Variants in ACYP2 observed in about 807,000 individuals in gnomAD.
ACYP2 encodes acylphosphatase 2, also known as acylphosphatase-2.
In ACYP2, 12 loss-of-function variants were observed where a neutral mutation model predicts 11.2. That is an observed-to-expected ratio of 1.08 (90% CI 0.69 to 1.74). The LOEUF (loss-of-function observed/expected upper bound fraction) is 1.74. Among genes scored for constraint, ACYP2 ranks in the 40% most tolerant of loss-of-function variants. The probability of loss-of-function intolerance (pLI) is 0.00; values close to 1 mark genes in which losing one functional copy is unlikely to be tolerated. For synonymous variants in ACYP2, 43 were observed against 32.2 expected (o/e 1.33, Z -1.13); for missense variants, 134 against 101.9 (o/e 1.31, Z -1.35).
intron 6 of ACYP2, among the ~76,000 whole-genome samples, chr2:54,202,405 CTT>C (rs61634500): frequency 6.4e-4 from 75 of 116,332 alleles, no homozygotes; most frequent in African/African-American, 1.7e-3. Context: ...CTGTGCCTGG[CTT>C]TTTTTTTTTT....
intron 4 of ACYP2, among the ~76,000 whole-genome samples, chr2:54,096,880 G>T (rs906834002): frequency 1.3e-5 from 2 of 152,144 alleles, no homozygotes; most frequent in East Asian, 3.9e-4. Flanking sequence ...GAGCTAATCT[G>T]TTTTTTAAAA....
chr2:54,004,233 C>G (rs573488683), intron 2 of ACYP2, among the ~76,000 whole-genome samples: 3 of 152,064 alleles, frequency 2.0e-5, no homozygotes, highest in African/African-American at 4.8e-5. Context: ...GTGATCCGCC[C>G]ACCTCGGCCT....
chr2:54,285,432 G>A lies in ACYP2; in HGVS notation c.405-19256G>A, dbSNP rs1171216867. Among the ~76,000 whole-genome samples the A allele has an allele frequency of 2.6e-5, 4 of 152,130 alleles. No homozygotes were observed. In the East Asian group the frequency reaches 7.7e-4, roughly 29 times the overall value. ...CCAGGTATTGCCATCTAGCCCTGTG[G>A]CATTAAATATCATCTGTAATCAGTT... On this transcript the variant is annotated intron_variant, in intron 6 of 6. Coordinates refer to ENST00000607452, the MANE Select transcript of ACYP2 (RefSeq NM_001320586.2).
rs1306232108 is a variant in ACYP2 at position 54,187,254 on chromosome 2, G to A, written c.404+48506G>A. ...ACAGAGAGCAGCAGGGGTTCAGATT[G>A]CAGTGTGTCTCTCTTGCCCTCCCAG... On this transcript the variant is annotated intron_variant, in intron 6 of 6. Coordinates refer to ENST00000607452, the MANE Select transcript of ACYP2 (RefSeq NM_001320586.2). Among the ~76,000 whole-genome samples the A allele has an allele frequency of 3.3e-5, 5 of 152,218 alleles. No individual in the cohort carries two copies. In the East Asian group the frequency reaches 9.6e-4, roughly 29 times the overall value.
At chr2:53,996,424 A>C (rs562646157) in intron 2 of ACYP2, among the ~76,000 whole-genome samples, 2 of 152,222 alleles carry the variant, frequency 1.3e-5, no homozygotes, top group East Asian at 3.9e-4. Flanking sequence ...GAAAGGAAAG[A>C]GGGGAGTAAA....
At chr2:54,064,832 TC>T (rs984475167) in intron 4 of ACYP2, among the ~76,000 whole-genome samples, 3 of 152,118 alleles carry the variant, frequency 2.0e-5, no homozygotes, top group African/African-American at 4.8e-5. Context: ...ACGCCTGTAA[TC>T]CCAGCACTTT....
At chr2:54,128,887 C>T (rs542028920) in intron 4 of ACYP2, among the ~76,000 whole-genome samples, 2 of 152,202 alleles carry the variant, frequency 1.3e-5, no homozygotes, top group South Asian at 4.1e-4. Context: ...ACTCAAAACA[C>T]TGAGGGCAGA....
chr2:54,264,678 C>A (rs1687938805), intron 6 of ACYP2, among the ~76,000 whole-genome samples: 1 of 152,196 alleles, frequency 6.6e-6, no homozygotes, highest in South Asian at 2.1e-4. Context: ...AAGTAGAAAT[C>A]TTAATGCCCT....
intron 6 of ACYP2, among the ~76,000 whole-genome samples, chr2:54,163,946 A>C (rs902840603): frequency 6.6e-6 from 1 of 152,234 alleles, no homozygotes; most frequent in African/African-American, 2.4e-5. Flanking sequence ...TTTTTTAAAA[A>C]GGATAAAGTC....
At chr2:54,182,625 A>G (rs1261421872) in intron 6 of ACYP2, among the ~76,000 whole-genome samples, 1 of 152,100 alleles carries the variant, frequency 6.6e-6, no homozygotes, top group Non-Finnish European at 1.5e-5. Flanking sequence ...GGTGTGAGTG[A>G]CCATTCCTGG....
chr2:54,272,418 G>A (rs1430162055), intron 6 of ACYP2, among the ~76,000 whole-genome samples: 2 of 152,068 alleles, frequency 1.3e-5, no homozygotes, highest in African/African-American at 2.4e-5. Context: ...CTGCATCTGT[G>A]TCTTGTGCAT....
intron 6 of ACYP2, among the ~76,000 whole-genome samples, chr2:54,179,929 G>T (rs911436992): frequency 1.3e-5 from 2 of 152,062 alleles, no homozygotes; most frequent in African/African-American, 2.4e-5. Context: ...ACAGATTGGG[G>T]GCTCAGTCCC....
At chr2:54,117,180 G>C (rs1679858743) in intron 4 of ACYP2, among the ~76,000 whole-genome samples, 1 of 152,136 alleles carries the variant, frequency 6.6e-6, no homozygotes, top group Non-Finnish European at 1.5e-5. Context: ...TAAATTTTTT[G>C]TCTGGATGGA....
chr2:54,238,799 A>G (rs1686609671), intron 6 of ACYP2, among the ~76,000 whole-genome samples: 1 of 151,984 alleles, frequency 6.6e-6, no homozygotes. Flanking sequence ...GTGATTGCAC[A>G]TGAAAATTTA....
intron 6 of ACYP2, among the ~76,000 whole-genome samples, chr2:54,179,725 C>T (rs1683624533): frequency 1.3e-5 from 2 of 152,138 alleles, no homozygotes; most frequent in South Asian, 2.1e-4. Context: ...TGGGTTTTGG[C>T]TGGCTTCTTG....
intron 6 of ACYP2, among the ~76,000 whole-genome samples, chr2:54,202,768 G>A (rs1684907869): frequency 1.0e-5 from 1 of 100,040 alleles, no homozygotes; most frequent in Non-Finnish European, 1.8e-5. Context: ...TTGCTATGTT[G>A]CCCACGCTGG....
At chr2:54,113,261 A>AT (rs1480803076) in intron 4 of ACYP2, among the ~76,000 whole-genome samples, 2 of 145,696 alleles carry the variant, frequency 1.4e-5, no homozygotes, top group Non-Finnish European at 3.0e-5. Flanking sequence ...TTTTTTGGAG[A>AT]CAGGGTCTCG....
At chr2:54,044,386 G>C (rs1390297337) in intron 2 of ACYP2, among the ~76,000 whole-genome samples, 14 of 151,900 alleles carry the variant, frequency 9.2e-5, no homozygotes. Context: ...CTTGGGACGA[G>C]GAGTTCAAGA....
chr2:54,206,511 C>T (rs909225918), intron 6 of ACYP2, among the ~76,000 whole-genome samples: 4 of 152,118 alleles, frequency 2.6e-5, no homozygotes, highest in Admixed American at 6.5e-5. Context: ...TAATTAGAAA[C>T]GATATCTCTA....
Sources: gnomAD v4.1 joint callset for allele counts (sites outside exome capture counted in the v4.1 genomes callset) on GRCh38, gnomAD v4.1.1 for gene constraint, MANE v1.5 for transcripts, NCBI Gene and HGNC (gene_info 2026-07-23, HGNC 2026-07-21) for gene names.